LRRIQ1: variants seen among roughly 807,000 people sequenced by gnomAD.
LRRIQ1 encodes the protein leucine-rich repeat- and IQ domain-containing protein 1.
A neutral mutation model predicts 211.9 loss-of-function variants in LRRIQ1; 210 were observed. The ratio of observed to expected loss-of-function variants is 0.99; its 90% CI spans 0.89 to 1.11. LRRIQ1 has a LOEUF of 1.11. Ranked by LOEUF, LRRIQ1 falls within the 50% of genes most tolerant of loss-of-function variation. The pLI is 0.00. For missense variants in LRRIQ1, 2,136 were observed against 1,939.5 expected, an observed-to-expected ratio of 1.10 and a Z score of -1.90; for synonymous variants, 699 against 650.1, an observed-to-expected ratio of 1.08 and a Z score of -1.14.
At chr12:85,121,115 G>A (rs928219347) in intron 15 of LRRIQ1, among the ~76,000 whole-genome samples, 3 of 151,850 alleles carry the variant, frequency 2.0e-5, no homozygotes, top group South Asian at 2.1e-4. Context: ...TTACAGGTGC[G>A]CACCACCAAA....
chr12:85,151,698 C>G (rs564949735), intron 19 of LRRIQ1, among the ~76,000 whole-genome samples: 54 of 151,496 alleles, frequency 3.6e-4, no homozygotes, highest in African/African-American at 1.3e-3. Flanking sequence ...ACAGGAATTT[C>G]CAAATTTGGG....
chr12:85,178,909 C>A, intron 24 of LRRIQ1, among the ~76,000 whole-genome samples: 1 of 132,688 alleles, frequency 7.5e-6, no homozygotes. Context: ...TAGTCTCTGT[C>A]TTTAAAAAAA....
downstream of LRRIQ1, among the ~76,000 whole-genome samples, chr12:85,245,718 A>G (rs2137280823): frequency 6.6e-6 from 1 of 151,148 alleles, no homozygotes; most frequent in African/African-American, 2.4e-5. Flanking sequence ...ATGTGACAAT[A>G]CATTAGTATA....
intron 6 of LRRIQ1, chr12:85,048,068 C>T (rs1879852755): frequency 6.6e-6 from 1 of 152,288 alleles, no homozygotes; most frequent in Non-Finnish European, 1.5e-5. Context: ...TTTTAGGACA[C>T]CACTTGCAGG....
intron 26 of LRRIQ1, among the ~76,000 whole-genome samples, chr12:85,237,953 A>G (rs1004418061): frequency 9.2e-5 from 14 of 152,148 alleles, no homozygotes; most frequent in Non-Finnish European, 1.8e-4. Context: ...AATCATCACT[A>G]GAACCAAATC....
intron 24 of LRRIQ1, among the ~76,000 whole-genome samples, chr12:85,217,516 GTGTGTGTGTGT>G (rs1894175499): frequency 1.6e-5 from 1 of 61,882 alleles, no homozygotes; most frequent in Non-Finnish European, 2.7e-5. Flanking sequence ...ATATGTGTGT[GTGTGTGTGTGT>G]GTGTGTGTGT....
chr12:85,136,517 A>C (rs1889145622), intron 18 of LRRIQ1, among the ~76,000 whole-genome samples: 1 of 151,912 alleles, frequency 6.6e-6, no homozygotes, highest in Admixed American at 6.6e-5. Flanking sequence ...GTCATTGATC[A>C]AGTTTTGACC....
chr12:85,158,684 C>T (rs1048857827), intron 23 of LRRIQ1, among the ~76,000 whole-genome samples: 1 of 151,794 alleles, frequency 6.6e-6, no homozygotes, highest in Non-Finnish European at 1.5e-5. Context: ...CTATTTAATA[C>T]CTATTTCCCC....
At chr12:85,042,412 AATT>A (rs1394991225) in intron 3 of LRRIQ1, among the ~76,000 whole-genome samples, 2 of 148,550 alleles carry the variant, frequency 1.3e-5, no homozygotes, top group African/African-American at 4.9e-5. Flanking sequence ...ATCTTAGTAA[AATT>A]AAGTATAAAT....
At chr12:85,263,976 A>T (rs1323338604) in exon 2 of LRRIQ1, 2 of 152,036 alleles carry the variant, frequency 1.3e-5, no homozygotes, top group Non-Finnish European at 2.9e-5. Flanking sequence ...CCGAGTCTGG[A>T]ACTTTTTTCA....
At chr12:85,098,019 A>T (rs559918350) in intron 11 of LRRIQ1, among the ~76,000 whole-genome samples, 1 of 152,142 alleles carries the variant, frequency 6.6e-6, no homozygotes, top group Non-Finnish European at 1.5e-5. Flanking sequence ...ATGAGTTAAA[A>T]ACTATTCTTT....
rs558764930 is a variant in LRRIQ1, at chr12:85,218,973, T to C, written c.4823-10544T>C. On this transcript the variant is annotated intron_variant, in intron 24 of 26. Coordinates refer to ENST00000393217, the MANE Select transcript of LRRIQ1 (RefSeq NM_001079910.2). ...TTGATTTTTAAATATTACAGTAAAA[T>C]ATTATTTATCTTAATCACTGAGGTT... Among the ~76,000 whole-genome samples, 8 of 152,234 alleles carry C rather than the reference T, an allele frequency of 5.3e-5. No homozygotes were observed. In the South Asian group the frequency reaches 1.7e-3, roughly 32 times the overall value.
At chr12:85,197,131 C>A (rs891258621) in intron 24 of LRRIQ1, among the ~76,000 whole-genome samples, 8 of 152,132 alleles carry the variant, frequency 5.3e-5, no homozygotes, top group Non-Finnish European at 1.0e-4. Flanking sequence ...CAATGAGATA[C>A]CATCTCACAC....
chr12:85,045,774 A>C (rs960251770), intron 4 of LRRIQ1, among the ~76,000 whole-genome samples: 1 of 151,958 alleles, frequency 6.6e-6, no homozygotes, highest in African/African-American at 2.4e-5. Context: ...ATAATACTAA[A>C]TAATATTAAA....
chr12:85,163,807 T>C (rs1891019104), intron 24 of LRRIQ1, among the ~76,000 whole-genome samples: 3 of 152,138 alleles, frequency 2.0e-5, no homozygotes, highest in African/African-American at 7.2e-5. Context: ...TTTTACAGTC[T>C]ATGTTTTACA....
At chr12:85,269,562 A>T in the LRRIQ1 span, among the ~76,000 whole-genome samples, 2 of 151,974 alleles carry the variant, frequency 1.3e-5, no homozygotes, top group Admixed American at 1.3e-4. Flanking sequence ...ATCTCAGTGA[A>T]TCTGCTTCCA....
rs775801562 is a variant in LRRIQ1, at chr12:85,055,896, A to G, written c.1103A>G (p.Lys368Arg). Residue 368 changes from lysine to arginine, a missense_variant, in exon 8 of 27, where the codon AAG (lysine) becomes AGG (arginine). Transcript: ENST00000393217. ...KRREKEYEEK[K>R]NIVKQEREQL... The stretch of plus-strand genomic sequence containing the variant: ...AGAGAAAAAGAATATGAAGAAAAAA[A>G]GAATATTGTGAAACAGGAAAGAGAG... 5.3e-5 allele frequency: 84 copies of G among 1,595,394 alleles called. 1 individual carries two copies. In the Middle Eastern group the frequency reaches 1.4e-3, roughly 26 times the overall value.
rs1222572419 is a variant in LRRIQ1 at position 85,210,771 on chromosome 12, A to T, written c.4823-18746A>T. Among the ~76,000 whole-genome samples, 4 of 133,616 alleles carry T rather than the reference A, an allele frequency of 3.0e-5. No individual in the cohort carries two copies. In the East Asian group the frequency reaches 6.1e-4, roughly 20 times the overall value. 87.7% of individuals were successfully genotyped at this position (133,616 alleles called of 152,430 possible). The stretch of plus-strand genomic sequence containing the variant: ...GCCCTTTAGTTTCAGACTATTTTTT[A>T]AAAAATGTTTGTTTGTGTACTGAAC... On this transcript the variant is annotated intron_variant, in intron 24 of 26. Coordinates refer to ENST00000393217, the MANE Select transcript of LRRIQ1 (RefSeq NM_001079910.2).
intron 24 of LRRIQ1, among the ~76,000 whole-genome samples, chr12:85,222,865 C>T (rs1470513794): frequency 6.6e-6 from 1 of 152,074 alleles, no homozygotes; most frequent in Non-Finnish European, 1.5e-5. Context: ...ACATATATCA[C>T]CACATATAGG....
Sources: gnomAD v4.1 joint callset for allele counts (sites outside exome capture counted in the v4.1 genomes callset) on GRCh38, gnomAD v4.1.1 for gene constraint, MANE v1.5 for transcripts, NCBI Gene and HGNC (gene_info 2026-07-23, HGNC 2026-07-21) for gene names.